LINGO2: variants seen among roughly 807,000 people sequenced by gnomAD.
LINGO2 encodes the protein leucine rich repeat and Ig domain containing 2, also known as leucine-rich repeat and immunoglobulin-like domain-containing nogo receptor-interacting protein 2.
Under a neutral mutation model 30.6 loss-of-function variants are expected in LINGO2, and 14 were observed. The ratio of observed to expected loss-of-function variants is 0.46; its 90% CI spans 0.30 to 0.72. The LOEUF (loss-of-function observed/expected upper bound fraction) is 0.72, where lower values mean the gene tolerates loss of function less well. LINGO2 is among the 30% of genes least tolerant of loss of function. The pLI is 0.07. For synonymous variants in LINGO2, 317 were observed against 288.5 expected (o/e 1.10, Z -1.00); for missense variants, 729 against 751.7 (o/e 0.97, Z 0.35).
chr9:28,444,824 A>C (rs112767934), intron 2 of LINGO2, among the ~76,000 whole-genome samples: 22 of 152,296 alleles, frequency 1.4e-4, no homozygotes, highest in Non-Finnish European at 2.6e-4. Flanking sequence ...ACTTACTTAC[A>C]TACCCCTTGC....
rs189424662 is a variant in LINGO2 at position 28,291,131 on chromosome 9, T to C, written c.-87+4077A>G. 2.4e-4 allele frequency among the ~76,000 whole-genome samples: 37 copies of C among 152,322 alleles called. No individual in the cohort carries two copies. The East Asian group carries it at 6.8e-3, about 28-fold the overall frequency. ...CCTGTCTCAGTTCCCAGCTTACCTATAGATATTTCCTGGCATCCTTTCCAA... is the reference window on the plus strand; with the variant it reads ...CCTGTCTCAGTTCCCAGCTTACCTACAGATATTTCCTGGCATCCTTTCCAA... On this transcript the variant is annotated intron_variant, in intron 4 of 5. Coordinates refer to ENST00000379992, the Ensembl canonical transcript of LINGO2.
At chr9:28,000,958 T>C (rs1432333035) in intron 5 of LINGO2, among the ~76,000 whole-genome samples, 6 of 152,224 alleles carry the variant, frequency 3.9e-5, no homozygotes, top group Non-Finnish European at 8.8e-5. Context: ...AAAACTGTTA[T>C]TTCTGTCAAG....
At chr9:28,978,510 G>A in the LINGO2 span, among the ~76,000 whole-genome samples, 1 of 152,000 alleles carries the variant, frequency 6.6e-6, no homozygotes, top group Non-Finnish European at 1.5e-5. Context: ...TATAAAATGG[G>A]AATAATGCTC....
At chr9:28,204,248 G>A (rs12237312) in intron 4 of LINGO2, among the ~76,000 whole-genome samples, 12,063 of 151,608 alleles carry the variant, frequency 0.08, 669 homozygotes, top group East Asian at 0.21. Context: ...ACACGTGCAT[G>A]CACACACACA....
At chr9:28,684,805 C>A in the LINGO2 span, among the ~76,000 whole-genome samples, 1 of 152,142 alleles carries the variant, frequency 6.6e-6, no homozygotes, top group Non-Finnish European at 1.5e-5. Context: ...AGGCATGAGA[C>A]ACTGCACCTG....
the LINGO2 span, among the ~76,000 whole-genome samples, chr9:28,818,241 G>A: frequency 1.3e-5 from 2 of 152,154 alleles, no homozygotes; most frequent in Admixed American, 1.3e-4. Context: ...AAAAGCACAG[G>A]TGACCTGCTC....
chr9:29,065,480 G>T, the LINGO2 span, among the ~76,000 whole-genome samples: 1 of 152,022 alleles, frequency 6.6e-6, no homozygotes, highest in East Asian at 1.9e-4. Flanking sequence ...TCAATCTTCT[G>T]CATATGGCTA....
chr9:28,797,500 G>C, the LINGO2 span, among the ~76,000 whole-genome samples: 1 of 151,102 alleles, frequency 6.6e-6, no homozygotes, highest in Non-Finnish European at 1.5e-5. Context: ...ATGTATTCTT[G>C]AGGTTGAACT....
chr9:28,994,267 A>G, the LINGO2 span, among the ~76,000 whole-genome samples: 3 of 152,212 alleles, frequency 2.0e-5, no homozygotes, highest in Non-Finnish European at 4.4e-5. Flanking sequence ...TCCCATTCAC[A>G]ATTGCTTCAA....
chr9:28,459,313 T>G (rs1452383195), intron 2 of LINGO2, among the ~76,000 whole-genome samples: 1 of 152,016 alleles, frequency 6.6e-6, no homozygotes, highest in East Asian at 1.9e-4. Context: ...TTCTTGAATC[T>G]TCACAATAAC....
chr9:28,328,440 T>G (rs977227150), intron 3 of LINGO2, among the ~76,000 whole-genome samples: 1 of 152,084 alleles, frequency 6.6e-6, no homozygotes, highest in Non-Finnish European at 1.5e-5. Context: ...ACCAAACATA[T>G]GCCTTCAGCA....
At chr9:28,379,554 C>A (rs1221138489) in intron 2 of LINGO2, among the ~76,000 whole-genome samples, 1 of 152,082 alleles carries the variant, frequency 6.6e-6, no homozygotes, top group Non-Finnish European at 1.5e-5. Context: ...ACAAAACCAG[C>A]ACTCCCTAAT....
At position 28,256,928 on chromosome 9, in the gene LINGO2, T is replaced by C. The variant is rs777820502; in HGVS notation, c.-87+38280A>G. ...GCAAAGGAAAAGGTCTAAAAGATGC[T>C]GCTATGTACAATTTTTATTCTGCCT... On this transcript the variant is annotated intron_variant, in intron 4 of 5. Transcript: ENST00000379992. Among the ~76,000 whole-genome samples the C allele has an allele frequency of 5.3e-5, 8 of 152,060 alleles. No homozygotes were observed. In the East Asian group the frequency reaches 1.6e-3, roughly 29 times the overall value.
At chr9:28,791,687 A>G in the LINGO2 span, among the ~76,000 whole-genome samples, 1 of 151,990 alleles carries the variant, frequency 6.6e-6, no homozygotes, top group Non-Finnish European at 1.5e-5. Flanking sequence ...GAATTAATAA[A>G]CAATCTAGAC....
the LINGO2 span, among the ~76,000 whole-genome samples, chr9:28,963,292 C>G: frequency 6.6e-6 from 1 of 151,680 alleles, no homozygotes; most frequent in Non-Finnish European, 1.5e-5. Flanking sequence ...CTTAAGTAGC[C>G]ATATATAGCT....
intron 4 of LINGO2, among the ~76,000 whole-genome samples, chr9:28,219,616 A>C (rs1254406260): frequency 1.3e-5 from 2 of 152,124 alleles, no homozygotes; most frequent in African/African-American, 4.8e-5. Flanking sequence ...AATCAGTTTA[A>C]CTTCTTTCAC....
chr9:29,171,753 T>C, the LINGO2 span, among the ~76,000 whole-genome samples: 3,226 of 151,936 alleles, frequency 0.021, 107 homozygotes, highest in African/African-American at 0.067. Context: ...CAATACAACA[T>C]CTACCATATT....
chr9:28,843,372 A>AGACAGCAG, the LINGO2 span, among the ~76,000 whole-genome samples: 1 of 151,678 alleles, frequency 6.6e-6, no homozygotes, highest in Non-Finnish European at 1.5e-5. Flanking sequence ...CTTATTAAAA[A>AGACAGCAG]TTATTCAATT....
chr9:28,191,145 G>T (rs1819808868), intron 4 of LINGO2, among the ~76,000 whole-genome samples: 1 of 152,276 alleles, frequency 6.6e-6, no homozygotes, highest in Non-Finnish European at 1.5e-5. Context: ...GCATGAGAAA[G>T]GTCCCATGGT....
Sources: gnomAD v4.1 joint callset for allele counts (sites outside exome capture counted in the v4.1 genomes callset) on GRCh38, gnomAD v4.1.1 for gene constraint, MANE v1.5 for transcripts, NCBI Gene and HGNC (gene_info 2026-07-23, HGNC 2026-07-21) for gene names.